Variants in PTPRM observed in about 807,000 individuals in gnomAD.
PTPRM encodes the protein protein tyrosine phosphatase receptor type M.
In PTPRM, 47 loss-of-function variants were observed where a neutral mutation model predicts 186.7. The observed-to-expected ratio is 0.25, with a 90% CI of 0.20 to 0.32. The LOEUF (loss-of-function observed/expected upper bound fraction) is 0.32. PTPRM is among the 10% of genes least tolerant of loss of function. PTPRM has a pLI of 1.00. For synonymous variants in PTPRM, 668 were observed against 674.9 expected, an observed-to-expected ratio of 0.99 and a Z score of 0.16; for missense variants, 1,494 against 1,865.0, an observed-to-expected ratio of 0.80 and a Z score of 3.66.
chr18:7,956,412 C>T (rs1396086172), intron 7 of PTPRM, among the ~76,000 whole-genome samples: 2 of 152,092 alleles, frequency 1.3e-5, no homozygotes, highest in Non-Finnish European at 2.9e-5. Flanking sequence ...ATACTGTTTC[C>T]ACAAGTTCAA....
chr18:7,984,557 CATATATATATGCCCCAT>C (rs1401387405), intron 7 of PTPRM, among the ~76,000 whole-genome samples: 3 of 119,572 alleles, frequency 2.5e-5, no homozygotes, highest in Admixed American at 1.8e-4. Flanking sequence ...ATATATGCCC[CATATATATATGCCCCAT>C]ATATATATAT....
intron 22 of PTPRM, among the ~76,000 whole-genome samples, chr18:8,322,227 A>C (rs1363066442): frequency 3.3e-5 from 5 of 152,224 alleles, no homozygotes; most frequent in African/African-American, 1.2e-4. Flanking sequence ...AGTTCCTTCA[A>C]TACAGAGGAC....
chr18:7,647,584 G>C (rs2144240861), intron 1 of PTPRM, among the ~76,000 whole-genome samples: 1 of 152,318 alleles, frequency 6.6e-6, no homozygotes, highest in African/African-American at 2.4e-5. Flanking sequence ...ATATGATATA[G>C]TCAGAACTGC....
chr18:8,266,799 T>C (rs976390265), intron 19 of PTPRM, among the ~76,000 whole-genome samples: 1 of 152,028 alleles, frequency 6.6e-6, no homozygotes, highest in Non-Finnish European at 1.5e-5. Flanking sequence ...TCCCAGCTAC[T>C]TGGGAGGCTG....
intron 2 of PTPRM, among the ~76,000 whole-genome samples, chr18:7,778,583 G>A (rs1000551895): frequency 3.3e-5 from 5 of 151,942 alleles, no homozygotes; most frequent in African/African-American, 1.2e-4. Context: ...TGGTTCAAGC[G>A]ATTCTCCTGC....
At chr18:8,316,149 C>T (rs889866063) in intron 21 of PTPRM, among the ~76,000 whole-genome samples, 1 of 152,172 alleles carries the variant, frequency 6.6e-6, no homozygotes, top group Admixed American at 6.5e-5. Flanking sequence ...ACCTCCAGGC[C>T]AACTGTAGCA....
At chr18:7,774,062 T>G in intron 1 of PTPRM, 87 bp from the exon 2 acceptor site, 7 of 1,371,908 alleles carry the variant, frequency 5.1e-6, no homozygotes, top group Non-Finnish European at 7.0e-6. Context: ...AAACTTGGCA[T>G]CAAGTCTAAG....
At position 8,244,190 on chromosome 18, in the gene PTPRM, G is replaced by A. The variant is rs746031350; in HGVS notation, c.2433G>A (p.Thr811=). ...ACGAGGCTTTCTCATTCATGGACAC[G>A]CACAATCTGAATGGGAGATGTAAGT... ...NCDEAFSFMD[T]HNLNGRSVSS... is the part of the protein sequence containing the mutation. Residue 811 remains threonine (T), a synonymous_variant, in exon 15 of 33, where the codon ACG becomes ACA. Transcript: ENST00000580170. 117 of 1,576,432 alleles carry A rather than the reference G, an allele frequency of 7.4e-5. No individual in the cohort carries two copies. Among genetic ancestry groups the A allele is most frequent in the Non-Finnish European group, 1.5e-5 (18 of 1,166,780 alleles).
intron 14 of PTPRM, among the ~76,000 whole-genome samples, chr18:8,213,230 T>C (rs2094031665): frequency 6.6e-6 from 1 of 152,196 alleles, no homozygotes; most frequent in African/African-American, 2.4e-5. Context: ...AGGATCATTC[T>C]TGCACACGAA....
intron 1 of PTPRM, among the ~76,000 whole-genome samples, chr18:7,658,330 T>TTATATATATATATATA (rs34009975): frequency 3.7e-4 from 46 of 124,404 alleles, no homozygotes; most frequent in African/African-American, 8.3e-4. Context: ...TAAAGTAAAT[T>TTATATATATATATATA]TATATATATA....
chr18:8,245,218 G>A (rs2094466612), intron 15 of PTPRM, among the ~76,000 whole-genome samples: 1 of 152,100 alleles, frequency 6.6e-6, no homozygotes, highest in African/African-American at 2.4e-5. Flanking sequence ...GCACGTGCCT[G>A]TCCCTGAGCT....
chr18:7,928,250 G>A (rs1599560541), intron 5 of PTPRM, among the ~76,000 whole-genome samples: 2 of 152,262 alleles, frequency 1.3e-5, no homozygotes, highest in South Asian at 4.1e-4. Flanking sequence ...TGCTGGCCAG[G>A]AAGTGTATGC....
intron 5 of PTPRM, among the ~76,000 whole-genome samples, chr18:7,936,213 C>T (rs575246721): frequency 5.3e-5 from 8 of 152,266 alleles, no homozygotes; most frequent in Non-Finnish European, 1.2e-4. Flanking sequence ...GCTGCAGACC[C>T]AGCATCCCTG....
intron 3 of PTPRM, among the ~76,000 whole-genome samples, chr18:7,900,259 A>G (rs2049592198): frequency 6.6e-6 from 1 of 152,194 alleles, no homozygotes; most frequent in South Asian, 2.1e-4. Context: ...TTCCAATAAA[A>G]CTTTATTCAT....
In PTPRM at chr18:7,664,155, C is replaced by T. The variant is rs369532396; in HGVS notation, c.73+96264C>T. Reference sequence around the variant, plus strand: ...CGCAACATCCCACACTCTGAAACATCATAGGCATGTGTGTACCCAGCCCTC... The same window carrying T: ...CGCAACATCCCACACTCTGAAACATTATAGGCATGTGTGTACCCAGCCCTC... On this transcript the variant is annotated intron_variant, in intron 1 of 32. Transcript: ENST00000580170. Among the ~76,000 whole-genome samples, 6 of 152,322 alleles carry T rather than the reference C, an allele frequency of 3.9e-5. No individual in the cohort carries two copies. The East Asian group carries it at 1.2e-3, about 29-fold the overall frequency.
chr18:7,779,405 G>A (rs893876656), intron 2 of PTPRM, among the ~76,000 whole-genome samples: 1 of 152,148 alleles, frequency 6.6e-6, no homozygotes, highest in Admixed American at 6.5e-5. Context: ...CACGTCTGTG[G>A]GTGCCCGTAT....
intron 7 of PTPRM, among the ~76,000 whole-genome samples, chr18:8,021,014 A>G (rs1476463019): frequency 6.6e-6 from 1 of 152,162 alleles, no homozygotes; most frequent in Non-Finnish European, 1.5e-5. Flanking sequence ...TTGTAACTAC[A>G]AAAACTCTGA....
intron 4 of PTPRM, among the ~76,000 whole-genome samples, chr18:7,908,071 G>C (rs894954522): frequency 1.3e-5 from 2 of 152,152 alleles, no homozygotes; most frequent in African/African-American, 2.4e-5. Context: ...AGTGTTGAGA[G>C]CCTCAGTGGA....
At chr18:8,276,945 A>ATT (rs35201374) in intron 19 of PTPRM, among the ~76,000 whole-genome samples, 130 of 147,918 alleles carry the variant, frequency 8.8e-4, no homozygotes, top group Admixed American at 2.5e-3. Context: ...CAAAACTGTA[A>ATT]TTTTTTTTTT....
Sources: allele counts gnomAD v4.1 joint callset (sites outside exome capture counted in the v4.1 genomes callset), GRCh38; gene constraint gnomAD v4.1.1; transcripts MANE v1.5; gene names NCBI Gene and HGNC (gene_info 2026-07-23, HGNC 2026-07-21).